The following C4orf17 variants were observed in gnomAD, a reference collection of about 807,000 sequenced individuals.
C4orf17 encodes the protein uncharacterized protein C4orf17.
A neutral mutation model predicts 32.0 loss-of-function variants in C4orf17; 25 were observed. The observed-to-expected ratio is 0.78, with a 90% CI of 0.57 to 1.09. The LOEUF (loss-of-function observed/expected upper bound fraction) is 1.09. C4orf17 is among the 50% of genes least tolerant of loss of function. The pLI, the probability that C4orf17 is intolerant of heterozygous loss-of-function variation, is 0.00. For synonymous variants in C4orf17, 149 were observed against 145.8 expected, an observed-to-expected ratio of 1.02 and a Z score of -0.16; for missense variants, 420 against 420.0, an observed-to-expected ratio of 1.00 and a Z score of 0.00.
chr4:99,524,162 T>C (rs1186861086), intron 3 of C4orf17, among the ~76,000 whole-genome samples: 2 of 151,932 alleles, frequency 1.3e-5, no homozygotes, highest in African/African-American at 2.4e-5. Context: ...TTGTATTTTT[T>C]AGTGGAGATG....
intron 2 of C4orf17, among the ~76,000 whole-genome samples, chr4:99,517,172 C>T (rs11930574): frequency 0.12 from 18,895 of 152,202 alleles, 2,563 homozygotes; most frequent in East Asian, 0.4. Context: ...TGACTTCTTT[C>T]CCAGCAGATT....
At position 99,511,972 on chromosome 4, in the gene C4orf17, G is replaced by A. The variant is rs77320236; in HGVS notation, c.-94+700G>A. Among the ~76,000 whole-genome samples the A allele has an allele frequency of 0.015, 2,284 of 152,212 alleles. 409 individuals carry two copies. In the East Asian group the frequency reaches 0.39, roughly 26 times the overall value. ...AAAACCAGATATTCTGTGGCAACAAGTCTGGGAATTTATACACCATACAGT... is the reference window on the plus strand; with the variant it reads ...AAAACCAGATATTCTGTGGCAACAAATCTGGGAATTTATACACCATACAGT... On this transcript the variant is annotated intron_variant, in intron 1 of 8. Coordinates refer to ENST00000326581, the MANE Select transcript of C4orf17 (RefSeq NM_032149.3).
chr4:99,511,670 C>T (rs1007027546), intron 1 of C4orf17, among the ~76,000 whole-genome samples: 2 of 151,986 alleles, frequency 1.3e-5, no homozygotes, highest in Non-Finnish European at 2.9e-5. Flanking sequence ...TTTTCACTCT[C>T]CAAATTGTCT....
Position 99,537,678 on chromosome 4 carries a change from A to C in C4orf17, c.556A>C (p.Lys186Gln), listed in dbSNP as rs1421324986. 2.2e-5 allele frequency: 35 copies of C among 1,612,086 alleles called. No individual in the cohort carries two copies. The highest frequency in any genetic ancestry group is 3.0e-5 in the Non-Finnish European group (35 of 1,179,420). ...TAATGTTCTCTGTCAGATCCTGGCA[A>C]AGCTCTGTAGCATTTTGCATACTGA... ...YLDQEIKILA[K>Q]LCSILHTDSL... The change falls in exon 6 of 9, where the codon AAG becomes CAG. Residue 186 changes from lysine to glutamine, a missense_variant. Physicochemically the swap from Lys to Gln is moderately conservative, Grantham distance 53 (BLOSUM62 1). Coordinates refer to ENST00000326581, the MANE Select transcript of C4orf17 (RefSeq NM_032149.3).
intron 5 of C4orf17, among the ~76,000 whole-genome samples, chr4:99,532,744 T>A (rs1317989631): frequency 6.6e-6 from 1 of 152,176 alleles, no homozygotes; most frequent in East Asian, 1.9e-4. Flanking sequence ...CTGTAAATAT[T>A]TAATGTCAAA....
intron 5 of C4orf17, among the ~76,000 whole-genome samples, chr4:99,531,162 CTTAT>C (rs943454091): frequency 2.0e-4 from 31 of 151,858 alleles, no homozygotes; most frequent in African/African-American, 2.2e-4. Flanking sequence ...TATGTTCAGA[CTTAT>C]TTATTTAGTT....
rs1723086059 is a variant in C4orf17, at chr4:99,511,103, T to TGGAAGCGTTC, written c.-261_-252dup. On this transcript the variant is annotated 5_prime_UTR_variant, in exon 1 of 9. An upstream open reading frame in the 5' UTR gains an earlier in-frame stop. Transcript: ENST00000326581. The stretch of plus-strand genomic sequence containing the variant: ...CTGGATGAAGACAGCTGTATTCTTT[T>TGGAAGCGTTC]GGAAGCGTTCGAGATTGGTCTGTCT... 6.6e-6 allele frequency: 1 copy of TGGAAGCGTTC among 152,186 alleles called. No individual in the cohort carries two copies. Among genetic ancestry groups the TGGAAGCGTTC allele is most frequent in the Admixed American group, 6.5e-5 (1 of 15,272 alleles). The allele number at this position is 152,186 out of a possible 1,614,324, so 9.4% of individuals were successfully genotyped here.
intron 5 of C4orf17, among the ~76,000 whole-genome samples, chr4:99,530,294 A>G (rs1723457386): frequency 6.6e-6 from 1 of 152,082 alleles, no homozygotes; most frequent in Admixed American, 6.6e-5. Context: ...GCCGCAATCT[A>G]TACATTTACT....
chr4:99,536,690 A>C (rs137977262), intron 5 of C4orf17, among the ~76,000 whole-genome samples: 262 of 152,298 alleles, frequency 1.7e-3, no homozygotes, highest in Middle Eastern at 0.01. Flanking sequence ...CAGATTATGT[A>C]GAGGAGCAGG....
rs1199682631 is a variant in C4orf17, at chr4:99,522,619, T to C, written c.247T>C (p.Tyr83His). The change falls in exon 3 of 9, where the codon TAC becomes CAC. Residue 83 changes from tyrosine (Y) to histidine (H), a missense_variant. Tyr to His is a moderately conservative substitution (Grantham distance 83). Coordinates refer to ENST00000326581, the MANE Select transcript of C4orf17 (RefSeq NM_032149.3). ...CAGGATACCATTTGCCAATTGCAGT[T>C]ACCCCTCCAGCACTGCAGTCCAGGA... The part of the protein sequence containing the change: ...KNRIPFANCS[Y>H]PSSTAVQESP... 1 of 1,613,912 alleles carries C rather than the reference T, an allele frequency of 6.2e-7. No individual in the cohort carries two copies. Among genetic ancestry groups the C allele is most frequent in the African/African-American group, 1.3e-5 (1 of 74,898 alleles).
At chr4:99,522,358 TGGTTTATACAA>T (rs1183389995) in intron 2 of C4orf17, 131 bp from the exon 3 acceptor site, 301 of 627,192 alleles carry the variant, frequency 4.8e-4, no homozygotes, top group East Asian at 3.8e-3. Flanking sequence ...TTTTTTTTTT[TGGTTTATACAA>T]TTTGAAGTTC....
chr4:99,528,322 A>G (rs999674041), intron 4 of C4orf17, among the ~76,000 whole-genome samples: 4 of 152,062 alleles, frequency 2.6e-5, no homozygotes, highest in African/African-American at 7.2e-5. Flanking sequence ...TATATTTTCT[A>G]TTTTATTAAT....
intron 4 of C4orf17, among the ~76,000 whole-genome samples, chr4:99,526,680 T>C (rs1050427299): frequency 2.0e-5 from 3 of 151,266 alleles, no homozygotes; most frequent in Admixed American, 1.3e-4. Context: ...CTATAGGCTA[T>C]TTGGGTTGTC....
intron 2 of C4orf17, among the ~76,000 whole-genome samples, chr4:99,518,470 A>G (rs1247804100): frequency 8.0e-6 from 1 of 124,838 alleles, no homozygotes; most frequent in Non-Finnish European, 1.6e-5. Flanking sequence ...GGTGACAAGC[A>G]AGACCCTGTC....
intron 4 of C4orf17, 136 bp downstream of exon 4, chr4:99,524,721 T>C (rs558923532): frequency 2.8e-5 from 16 of 569,496 alleles, no homozygotes; most frequent in South Asian, 2.8e-4. Flanking sequence ...ATTAACATAA[T>C]ATAAGATACA....
At chr4:99,526,078 T>C (rs2110169807) in intron 4 of C4orf17, among the ~76,000 whole-genome samples, 1 of 152,336 alleles carries the variant, frequency 6.6e-6, no homozygotes, top group South Asian at 2.1e-4. Flanking sequence ...GCCTTGTACC[T>C]GATCGTAGGA....
Position 99,542,164 on chromosome 4 carries a change from C to A in C4orf17, c.*55C>A. The stretch of plus-strand genomic sequence containing the variant: ...AATATGAGCTTCACATTTACATCAT[C>A]AAATTATTTTTCAAATGAATATTTT... On this transcript the variant is annotated 3_prime_UTR_variant, in exon 9 of 9. Transcript: ENST00000326581. The A allele has an allele frequency of 6.8e-7, 1 of 1,464,964 alleles. No homozygotes were observed. The highest frequency in any genetic ancestry group is 1.2e-5 in the South Asian group (1 of 85,196). 90.7% of individuals were successfully genotyped at this position (1,464,964 alleles called of 1,614,324 possible). A position where few individuals can be genotyped will look rare whatever the true frequency, so the allele number is the denominator to read the frequency against.
intron 4 of C4orf17, among the ~76,000 whole-genome samples, chr4:99,527,991 C>G (rs1316192914): frequency 3.3e-5 from 5 of 152,256 alleles, no homozygotes; most frequent in African/African-American, 1.2e-4. Flanking sequence ...GCTTTAAAAT[C>G]TATTTTGTTA....
In C4orf17 at chr4:99,542,067, C is replaced by T. The variant is rs932591000; in HGVS notation, c.1038C>T (p.Leu346=). The change falls in exon 9 of 9, where the codon CTC becomes CTT. Residue 346 remains leucine (L), a synonymous_variant. Transcript: ENST00000326581. The stretch of plus-strand genomic sequence containing the variant: ...CAAGGAGTATACAAGAATACAACCT[C>T]TGTCCCCAAAGAGCATGTTATCCTT... ...VSARSIQEYN[L]CPQRACYPST... 1.9e-6 allele frequency: 3 copies of T among 1,614,132 alleles called. No homozygotes were observed. Among genetic ancestry groups the T allele is most frequent in the Non-Finnish European group, 2.5e-6 (3 of 1,179,996 alleles).
Sources: allele counts gnomAD v4.1 joint callset (sites outside exome capture counted in the v4.1 genomes callset), GRCh38; gene constraint gnomAD v4.1.1; transcripts MANE v1.5; gene names NCBI Gene and HGNC (gene_info 2026-07-23, HGNC 2026-07-21).